Variants in CYP4A22 observed in about 807,000 individuals in gnomAD.
CYP4A22 encodes the protein cytochrome P450 family 4 subfamily A member 22, also known as cytochrome P450 4A22.
In CYP4A22, 46 loss-of-function variants were observed where a neutral mutation model predicts 56.2. The observed-to-expected ratio is 0.82, with a 90% CI of 0.65 to 1.05. The LOEUF (loss-of-function observed/expected upper bound fraction) is 1.05, where lower values mean the gene tolerates loss of function less well. Ranked by LOEUF, CYP4A22 falls within the 50% of genes least tolerant of loss-of-function variation. The pLI, the probability that CYP4A22 is intolerant of heterozygous loss-of-function variation, is 0.00. For synonymous variants in CYP4A22, 193 were observed against 251.1 expected, an observed-to-expected ratio of 0.77 and a Z score of 2.19; for missense variants, 541 against 645.9, an observed-to-expected ratio of 0.84 and a Z score of 1.76.
At position 47,137,453 on chromosome 1, in the gene CYP4A22, A is replaced by G. The variant is rs201610410; in HGVS notation, c.-33A>G. 6.3e-7 allele frequency: 1 copy of G among 1,588,494 alleles called. No homozygotes were observed. ...TGGACAGGGGTGGTCAGAGAGAGGA[A>G]GGGGCACTCAGAGATCCAGCAGGTG... On this transcript the variant is annotated 5_prime_UTR_variant, in exon 1 of 12. Coordinates refer to ENST00000371891, the MANE Select transcript of CYP4A22 (RefSeq NM_001010969.4).
In CYP4A22 at chr1:47,144,927, C is replaced by T. The variant is rs1435685142; in HGVS notation, c.1179C>T (p.Leu393=). 6.2e-7 allele frequency: 1 copy of T among 1,614,044 alleles called. No individual in the cohort carries two copies. Among genetic ancestry groups the T allele is most frequent in the Non-Finnish European group, 8.5e-7 (1 of 1,180,036 alleles). The change falls in exon 9 of 12, where the codon CTC becomes CTT. Residue 393 remains leucine (L), a synonymous_variant. Transcript: ENST00000371891. ...CGGTGCCAGGCATTGGAAGAGAGCTCAGCACTCCCGTCACCTTCCCTGATG... is the reference window on the plus strand; with the variant it reads ...CGGTGCCAGGCATTGGAAGAGAGCTTAGCACTCCCGTCACCTTCCCTGATG... The part of the protein sequence containing the change: ...YPPVPGIGRE[L]STPVTFPDGR...
Position 47,137,477 on chromosome 1 carries a change from T to C in CYP4A22, c.-9T>C. The C allele has an allele frequency of 6.2e-7, 1 of 1,608,944 alleles. No homozygotes were observed. The highest frequency in any genetic ancestry group is 8.5e-7 in the Non-Finnish European group (1 of 1,177,204). ...AAGGGGCACTCAGAGATCCAGCAGG[T>C]GCTGCACCATGAGTGTCTCTGTCCT... On this transcript the variant is annotated 5_prime_UTR_variant, in exon 1 of 12. Transcript: ENST00000371891.
intron 1 of CYP4A22, among the ~76,000 whole-genome samples, chr1:47,138,524 C>A (rs1384905971): frequency 1.3e-5 from 2 of 152,214 alleles, no homozygotes; most frequent in African/African-American, 4.8e-5. Flanking sequence ...ATAGAGCAAG[C>A]TTGTCCAACC....
Position 47,148,810 on chromosome 1 carries a change from G to C in CYP4A22, c.*13G>C, listed in dbSNP as rs750305500. 38 of 1,586,732 alleles carry C rather than the reference G, an allele frequency of 2.4e-5. 1 individual carries two copies. The Middle Eastern group carries it at 6.8e-4, about 28-fold the overall frequency. ...GGACCAGCTTTGAGGGCCTCCACCT[G>C]CCATCCTGTCTTCCTGACCCCCACT... On this transcript the variant is annotated 3_prime_UTR_variant, in exon 12 of 12. Transcript: ENST00000371891.
At chr1:47,138,861 G>C (rs1056125061) in intron 1 of CYP4A22, among the ~76,000 whole-genome samples, 2 of 152,186 alleles carry the variant, frequency 1.3e-5, no homozygotes, top group African/African-American at 4.8e-5. Flanking sequence ...AACAGAGCAA[G>C]GTAAACGGCT....
At chr1:47,138,235 CTAAG>C (rs1308008236) in intron 1 of CYP4A22, among the ~76,000 whole-genome samples, 1 of 152,156 alleles carries the variant, frequency 6.6e-6, no homozygotes, top group Non-Finnish European at 1.5e-5. Flanking sequence ...GACCAACTGG[CTAAG>C]TAAGTTTCCC....
intron 1 of CYP4A22, among the ~76,000 whole-genome samples, chr1:47,138,352 G>A (rs565005944): frequency 1.3e-5 from 2 of 152,284 alleles, no homozygotes; most frequent in Admixed American, 6.5e-5. Flanking sequence ...TCCAAGTGAG[G>A]AGACTGGTGT....
rs150695143 is a variant in CYP4A22, at chr1:47,146,864, T to A, written c.1364+711T>A. The A allele has an allele frequency of 6.9e-3, 6,776 of 985,768 alleles. 26 individuals carry two copies. Among genetic ancestry groups the A allele is most frequent in the Non-Finnish European group, 7.8e-3 (6,446 of 830,204 alleles). The allele number at this position is 985,768 out of a possible 1,614,324, so 61.1% of individuals were successfully genotyped here. A position where few individuals can be genotyped will look rare whatever the true frequency, so the allele number is the denominator to read the frequency against. On this transcript the variant is annotated intron_variant, in intron 11 of 11. Transcript: ENST00000371891. ...TTTATACCATAGTCCTGTAATCCAC[T>A]TAGCACAATATTGGCCAAAAACATA... is the stretch of plus-strand genomic sequence containing the variant.
rs1645100981 is a variant in CYP4A22, at chr1:47,148,708, A to G, written c.1471A>G (p.Met491Val). The G allele has an allele frequency of 3.7e-6, 6 of 1,613,972 alleles. No individual in the cohort carries two copies. Among genetic ancestry groups the G allele is most frequent in the Non-Finnish European group, 5.1e-6 (6 of 1,179,956 alleles). ...LPDPTRIPIP[M>V]ARLVLKSKNG... ...TGATCCCACCAGGATCCCCATCCCC[A>G]TGGCACGACTTGTGTTGAAATCCAA... Residue 491 changes from methionine (M) to valine (V), a missense_variant, in exon 12 of 12, where the codon ATG becomes GTG. By Grantham distance (21) the Met-to-Val change is conservative (BLOSUM62 1). Around this residue, in one of 3 missense-constraint regions of CYP4A22, gnomAD observed 204 missense variants for 258.9 expected, o/e 0.79. Transcript: ENST00000371891.
Position 47,149,532 on chromosome 1 carries a change from ACT to A in CYP4A22, c.*738_*739del, listed in dbSNP as rs1239826677. ...CAAACTGTCTTTTCTCATTCCTTTG[ACT>A]CTGCCGGACTTTGTCACCCCCACAA... On this transcript the variant is annotated 3_prime_UTR_variant, in exon 12 of 12. Coordinates refer to ENST00000371891, the MANE Select transcript of CYP4A22 (RefSeq NM_001010969.4). 6.6e-6 allele frequency: 1 copy of A among 151,150 alleles called. No homozygotes were observed. Among genetic ancestry groups the A allele is most frequent in the Non-Finnish European group, 1.5e-5 (1 of 67,860 alleles). 9.4% of individuals were successfully genotyped at this position (151,150 alleles called of 1,614,324 possible).
intron 1 of CYP4A22, among the ~76,000 whole-genome samples, chr1:47,139,990 C>T (rs556061765): frequency 4.6e-5 from 7 of 152,254 alleles, no homozygotes; most frequent in Admixed American, 2.6e-4. Context: ...GTGGCATCGG[C>T]GTTGGAGCTG....
At chr1:47,145,721 C>T in intron 9 of CYP4A22, 145 bp from the exon 10 acceptor site, 1 of 1,196,826 alleles carries the variant, frequency 8.4e-7, no homozygotes, top group Non-Finnish European at 1.2e-6. Context: ...CCTAACCCAC[C>T]TGCATAATGG....
intron 11 of CYP4A22, chr1:47,147,015 A>T (rs1408600480): frequency 1.0e-6 from 1 of 985,370 alleles, no homozygotes; most frequent in African/African-American, 1.7e-5. Flanking sequence ...GCTGGAGAGG[A>T]AAACTCCAGA....
chr1:47,141,999 A>C, intron 3 of CYP4A22, 109 bp from the exon 4 acceptor site: 1 of 1,472,402 alleles, frequency 6.8e-7, no homozygotes, highest in East Asian at 2.3e-5. Context: ...TCTTCTGGAT[A>C]GTTCTTCCCC....
In CYP4A22 at chr1:47,144,737, C is replaced by A. The variant is rs761167111; in HGVS notation, c.1085C>A (p.Thr362Asn). Reference protein sequence around the residue: ...HGLLGDGASITWNHLDQMPYT... With the variant: ...HGLLGDGASINWNHLDQMPYT... ...CTCCTGGGTGATGGAGCCTCCATCA[C>A]CTGGTGAGTGAGGGCTCAAAAGATG... Residue 362 changes from threonine (T) to asparagine (N), a missense_variant, in exon 8 of 12, where the codon ACC (threonine) becomes AAC (asparagine). Thr to Asn is a moderately conservative substitution (Grantham distance 65). Transcript: ENST00000371891. 6.2e-7 allele frequency: 1 copy of A among 1,613,930 alleles called. No individual in the cohort carries two copies. The highest frequency in any genetic ancestry group is 8.5e-7 in the Non-Finnish European group (1 of 1,179,866).
intron 11 of CYP4A22, chr1:47,146,476 C>A: frequency 8.6e-7 from 1 of 1,162,436 alleles, no homozygotes; most frequent in Admixed American, 4.0e-5. Flanking sequence ...TAGATATTCT[C>A]CAGTAAATTC....
Position 47,144,975 on chromosome 1 carries a change from G to A in CYP4A22, c.1222+5G>A. The A allele has an allele frequency of 6.2e-7, 1 of 1,614,088 alleles. No individual in the cohort carries two copies. Among genetic ancestry groups the A allele is most frequent in the Non-Finnish European group, 8.5e-7 (1 of 1,179,952 alleles). ...ATGGGCGCTCCTTGCCCAAAGGTAT[G>A]AAGTTTCCCCACCCTCTCACCCAAA... On this transcript the variant is annotated splice_donor_5th_base_variant and intron_variant, in intron 9 of 11. Coordinates refer to ENST00000371891, the MANE Select transcript of CYP4A22 (RefSeq NM_001010969.4).
chr1:47,138,521 A>G (rs1181818536), intron 1 of CYP4A22, among the ~76,000 whole-genome samples: 2 of 152,230 alleles, frequency 1.3e-5, no homozygotes, highest in African/African-American at 4.8e-5. Context: ...TGAATAGAGC[A>G]AGCTTGTCCA....
chr1:47,139,311 A>C (rs1644981228), intron 1 of CYP4A22, among the ~76,000 whole-genome samples: 1 of 152,210 alleles, frequency 6.6e-6, no homozygotes, highest in South Asian at 2.1e-4. Flanking sequence ...TGACTTAGTT[A>C]CTGTTCTGCA....
Sources: allele counts gnomAD v4.1 joint callset (sites outside exome capture counted in the v4.1 genomes callset), GRCh38; gene constraint gnomAD v4.1.1; regional missense constraint gnomAD v4.1.1; transcripts MANE v1.5; gene names NCBI Gene and HGNC (gene_info 2026-07-23, HGNC 2026-07-21).